BORCS5: variants seen among roughly 807,000 people sequenced by gnomAD.
The protein encoded by BORCS5 is BLOC-1 related complex subunit 5.
Under a neutral mutation model 22.1 loss-of-function variants are expected in BORCS5, and 17 were observed. The observed-to-expected ratio is 0.77, with a 90% CI of 0.53 to 1.15. The LOEUF is 1.15. BORCS5 is among the 50% of genes most tolerant of loss of function. The pLI, the probability that BORCS5 is intolerant of heterozygous loss-of-function variation, is 0.00. For synonymous variants in BORCS5, 117 were observed against 99.8 expected (o/e 1.17, Z -1.03); for missense variants, 247 against 253.2 (o/e 0.98, Z 0.17).
At chr12:12,381,667 G>T (rs1863777846) in intron 2 of BORCS5, among the ~76,000 whole-genome samples, 1 of 151,284 alleles carries the variant, frequency 6.6e-6, no homozygotes, top group South Asian at 2.1e-4. Context: ...TCATAGTTTT[G>T]CATTTTACAT....
chr12:12,442,319 C>G (rs1443342961), intron 3 of BORCS5, among the ~76,000 whole-genome samples: 3 of 152,104 alleles, frequency 2.0e-5, no homozygotes, highest in African/African-American at 7.2e-5. Flanking sequence ...TAGTTGCTGT[C>G]AGTGGGTAAA....
At chr12:12,436,296 C>G (rs1313694075) in intron 3 of BORCS5, among the ~76,000 whole-genome samples, 1 of 152,122 alleles carries the variant, frequency 6.6e-6, no homozygotes, top group Non-Finnish European at 1.5e-5. Flanking sequence ...CTATTTAACC[C>G]GCAAAGTTTT....
chr12:12,361,395 G>C (rs894616120), intron 2 of BORCS5, 46 bp downstream of exon 2: 1 of 1,599,746 alleles, frequency 6.3e-7, no homozygotes, highest in Admixed American at 1.7e-5. Context: ...GGAGACGTTT[G>C]TGTAGCCCTA....
Position 12,357,274 on chromosome 12 carries a change from T to A in BORCS5, c.-178T>A, listed in dbSNP as rs1342777908. On this transcript the variant is annotated 5_prime_UTR_variant, in exon 1 of 4. Transcript: ENST00000314565. ...GTTCCCCAAATAGGGCCTCTCCTTC[T>A]CCCGCCGCCCAGGCCCCTGCGTGGG... The A allele has an allele frequency of 4.1e-6, 6 of 1,457,684 alleles. No homozygotes were observed. The highest frequency in any genetic ancestry group is 2.8e-5 in the African/African-American group (2 of 70,490). 90.3% of individuals were successfully genotyped at this position (1,457,684 alleles called of 1,614,324 possible).
chr12:12,392,385 T>C (rs1273481029), intron 2 of BORCS5, among the ~76,000 whole-genome samples: 1 of 152,108 alleles, frequency 6.6e-6, no homozygotes, highest in Non-Finnish European at 1.5e-5. Context: ...TGCACTCTCA[T>C]GAATTGCAGG....
intron 2 of BORCS5, among the ~76,000 whole-genome samples, chr12:12,371,334 C>A (rs1354563462): frequency 6.6e-6 from 1 of 152,104 alleles, no homozygotes; most frequent in African/African-American, 2.4e-5. Context: ...GCCCTTTCAC[C>A]CTGGCTGGAG....
intron 2 of BORCS5, among the ~76,000 whole-genome samples, chr12:12,369,924 C>T (rs977737216): frequency 6.6e-6 from 1 of 151,286 alleles, no homozygotes; most frequent in African/African-American, 2.4e-5. Flanking sequence ...GGGGTGTCAC[C>T]ATGTTGGTCA....
intron 2 of BORCS5, among the ~76,000 whole-genome samples, chr12:12,377,847 G>A (rs930974351): frequency 6.6e-6 from 1 of 152,148 alleles, no homozygotes; most frequent in African/African-American, 2.4e-5. Context: ...AAGGTTTAAG[G>A]ATAGGAAAAT....
At chr12:12,446,278 G>A (rs996755838) in intron 3 of BORCS5, among the ~76,000 whole-genome samples, 2 of 152,090 alleles carry the variant, frequency 1.3e-5, no homozygotes, top group Non-Finnish European at 2.9e-5. Context: ...AAAGTAAGGG[G>A]ATATAAAATG....
intron 2 of BORCS5, among the ~76,000 whole-genome samples, chr12:12,404,422 C>T (rs1213030000): frequency 1.3e-5 from 2 of 152,204 alleles, no homozygotes; most frequent in East Asian, 3.9e-4. Context: ...CTGCCCTCAA[C>T]TGGCAGAAGG....
intron 2 of BORCS5, among the ~76,000 whole-genome samples, chr12:12,408,161 TATTATGTGTATATACCAC>T (rs1175529145): frequency 3.3e-5 from 5 of 152,240 alleles, no homozygotes; most frequent in African/African-American, 1.2e-4. Context: ...GGCTGAATTC[TATTATGTGTATATACCAC>T]ATTTTGTTTA....
intron 1 of BORCS5, among the ~76,000 whole-genome samples, chr12:12,359,364 C>CT (rs35732827): frequency 0.011 from 1,266 of 115,888 alleles, 12 homozygotes; most frequent in African/African-American, 0.021. Flanking sequence ...AGACTTGACT[C>CT]TTTTTTTTTT....
At chr12:12,388,834 G>A (rs1346300768) in intron 2 of BORCS5, among the ~76,000 whole-genome samples, 1 of 150,864 alleles carries the variant, frequency 6.6e-6, no homozygotes, top group Non-Finnish European at 1.5e-5. Flanking sequence ...CACATGAGAT[G>A]GAAATTTAAA....
intron 3 of BORCS5, among the ~76,000 whole-genome samples, chr12:12,442,566 A>G (rs1216074166): frequency 6.6e-6 from 1 of 152,202 alleles, no homozygotes; most frequent in Non-Finnish European, 1.5e-5. Flanking sequence ...GGAAAGCCAT[A>G]TGATTACACA....
intron 3 of BORCS5, among the ~76,000 whole-genome samples, chr12:12,455,496 T>C (rs143075242): frequency 2.6e-4 from 40 of 152,322 alleles, no homozygotes; most frequent in Non-Finnish European, 4.0e-4. Flanking sequence ...AATGCCGTCT[T>C]GAGCTGGGCA....
At chr12:12,465,105 G>A (rs150710736) in intron 3 of BORCS5, among the ~76,000 whole-genome samples, 185 of 152,188 alleles carry the variant, frequency 1.2e-3, no homozygotes, top group African/African-American at 4.3e-3. Flanking sequence ...CCAAGTAGCT[G>A]GGATTACACG....
At chr12:12,361,866 T>G (rs1028172723) in intron 2 of BORCS5, among the ~76,000 whole-genome samples, 5 of 151,570 alleles carry the variant, frequency 3.3e-5, no homozygotes, top group African/African-American at 1.2e-4. Flanking sequence ...TATATGAGAG[T>G]GTGTGTTTGA....
intron 2 of BORCS5, among the ~76,000 whole-genome samples, chr12:12,375,350 G>A (rs1005578111): frequency 2.0e-5 from 3 of 152,200 alleles, no homozygotes; most frequent in Admixed American, 2.0e-4. Context: ...TTGGCCTGGT[G>A]CAGTGGCTGA....
chr12:12,426,732 T>C (rs914359212), intron 2 of BORCS5, among the ~76,000 whole-genome samples: 8 of 152,264 alleles, frequency 5.3e-5, no homozygotes, highest in Admixed American at 3.9e-4. Context: ...ATCTTGCTTT[T>C]ACATATGAGA....
Sources: allele counts gnomAD v4.1 joint callset (sites outside exome capture counted in the v4.1 genomes callset), GRCh38; gene constraint gnomAD v4.1.1; transcripts MANE v1.5; gene names NCBI Gene and HGNC (gene_info 2026-07-23, HGNC 2026-07-21).